TRAF3IP1: variants seen among roughly 807,000 people sequenced by gnomAD.
The protein encoded by TRAF3IP1 is intraflagellar transport 54.
Under a neutral mutation model 89.9 loss-of-function variants are expected in TRAF3IP1, and 53 were observed. The ratio of observed to expected loss-of-function variants is 0.59; its 90% CI spans 0.47 to 0.74. The LOEUF (loss-of-function observed/expected upper bound fraction) is 0.74. TRAF3IP1 is among the 30% of genes least tolerant of loss of function. TRAF3IP1 has a pLI of 0.00. For synonymous variants in TRAF3IP1, 311 were observed against 322.1 expected (o/e 0.97, Z 0.37); for missense variants, 806 against 866.1 (o/e 0.93, Z 0.87).
At chr2:238,377,236 T>C (rs1009209512) in intron 15 of TRAF3IP1, among the ~76,000 whole-genome samples, 1 of 135,420 alleles carries the variant, frequency 7.4e-6, no homozygotes, top group African/African-American at 2.8e-5. Flanking sequence ...TTTTCTTTTT[T>C]TTTTTTTTTT....
intron 15 of TRAF3IP1, among the ~76,000 whole-genome samples, chr2:238,384,382 A>G (rs1396783500): frequency 3.4e-5 from 5 of 148,538 alleles, no homozygotes; most frequent in South Asian, 4.3e-4. Context: ...GTATGTATGT[A>G]TATATATATA....
At chr2:238,325,681 A>G in intron 2 of TRAF3IP1, 128 bp from the exon 3 acceptor site, 1 of 943,476 alleles carries the variant, frequency 1.1e-6, no homozygotes, top group East Asian at 2.6e-5. Flanking sequence ...GTATTTCTAG[A>G]TTTGTTATAT....
intron 1 of TRAF3IP1, among the ~76,000 whole-genome samples, chr2:238,324,067 C>G (rs767364207): frequency 1.1e-4 from 16 of 152,082 alleles, no homozygotes; most frequent in Non-Finnish European, 1.8e-4. Flanking sequence ...AATTCCTTTT[C>G]TTTTCTTTCT....
intron 8 of TRAF3IP1, among the ~76,000 whole-genome samples, chr2:238,340,995 C>T (rs1455838972): frequency 6.6e-6 from 1 of 151,990 alleles, no homozygotes; most frequent in Admixed American, 6.6e-5. Flanking sequence ...GTAGCTGGGA[C>T]TACAGGTGTG....
intron 5 of TRAF3IP1, among the ~76,000 whole-genome samples, 168 bp from the exon 6 acceptor site, chr2:238,332,656 G>A (rs1698183918): frequency 6.6e-6 from 1 of 152,162 alleles, no homozygotes; most frequent in African/African-American, 2.4e-5. Context: ...CTTGGGGAAC[G>A]CAGGCAGCAG....
intron 11 of TRAF3IP1, 74 bp from the exon 12 acceptor site, chr2:238,349,251 T>A: frequency 7.2e-7 from 1 of 1,386,782 alleles, no homozygotes. Context: ...AACATTCACC[T>A]GGGCTTTCTT....
At chr2:238,340,848 G>T (rs62196665) in intron 8 of TRAF3IP1, among the ~76,000 whole-genome samples, 7,871 of 42,390 alleles carry the variant, frequency 0.19, 250 homozygotes, top group Non-Finnish European at 0.29. Context: ...TATATATATA[G>T]AGAGAGAGAG....
intron 15 of TRAF3IP1, among the ~76,000 whole-genome samples, chr2:238,382,134 G>A (rs1700576968): frequency 6.6e-6 from 1 of 152,194 alleles, no homozygotes; most frequent in African/African-American, 2.4e-5. Context: ...ATGTGAGAGA[G>A]GAGATGACAG....
intron 8 of TRAF3IP1, among the ~76,000 whole-genome samples, chr2:238,340,021 C>T (rs985283299): frequency 1.0e-4 from 14 of 139,772 alleles, no homozygotes; most frequent in Admixed American, 8.7e-4. Flanking sequence ...CAGAGTCTCC[C>T]GCTGTCCTTG....
At chr2:238,368,511 AT>A (rs534050825) in intron 15 of TRAF3IP1, among the ~76,000 whole-genome samples, 83 of 152,266 alleles carry the variant, frequency 5.5e-4, no homozygotes, top group African/African-American at 1.7e-3. Context: ...AATACTTACA[AT>A]ACTTGTCACA....
intron 15 of TRAF3IP1, among the ~76,000 whole-genome samples, chr2:238,359,747 C>T (rs1277379808): frequency 1.3e-5 from 2 of 152,076 alleles, no homozygotes; most frequent in African/African-American, 4.8e-5. Context: ...CAGTAGAACC[C>T]CTCTTATTTG....
intron 13 of TRAF3IP1, 50 bp downstream of exon 13, chr2:238,353,000 T>C: frequency 1.3e-6 from 2 of 1,569,188 alleles, no homozygotes; most frequent in Non-Finnish European, 1.7e-6. Context: ...TTTACCTTCA[T>C]TGAGATTAAT....
chr2:238,355,955 T>G, intron 14 of TRAF3IP1, 49 bp from the exon 15 acceptor site: 1 of 1,423,428 alleles, frequency 7.0e-7, no homozygotes, highest in Non-Finnish European at 9.9e-7. Context: ...GAATAGGTTT[T>G]TGGGATAGAG....
intron 15 of TRAF3IP1, among the ~76,000 whole-genome samples, chr2:238,382,726 C>T (rs1278013123): frequency 1.3e-5 from 2 of 152,052 alleles, no homozygotes; most frequent in Admixed American, 1.3e-4. Context: ...GCATCACTGT[C>T]CCCCAAGTTG....
intron 15 of TRAF3IP1, among the ~76,000 whole-genome samples, chr2:238,362,170 C>CGAG (rs1432160570): frequency 1.3e-5 from 2 of 152,212 alleles, no homozygotes; most frequent in African/African-American, 4.8e-5. Flanking sequence ...CCCCTTCTCT[C>CGAG]TGTCCTTTGC....
chr2:238,342,813 CTT>C (rs1487206914), intron 8 of TRAF3IP1, among the ~76,000 whole-genome samples: 1 of 151,966 alleles, frequency 6.6e-6, no homozygotes, highest in Non-Finnish European at 1.5e-5. Context: ...ATAAAAATGT[CTT>C]TGCAAAATTA....
In TRAF3IP1 at chr2:238,347,471, T is replaced by G. The variant is rs139202184; in HGVS notation, c.1278T>G (p.Asp426Glu). ...TTTCTTTAGGTGACTCCACCAGTGA[T>G]GCAGGTGAGGAATGGCCTTAGATAC... Reference protein sequence around the residue: ...TEKQKGDSTSDAEGDAGPAGQ... With the variant: ...TEKQKGDSTSEAEGDAGPAGQ... Residue 426 changes from aspartate to glutamate, a missense_variant, in exon 10 of 17, where the codon GAT becomes GAG. Transcript: ENST00000373327. 280 of 1,614,142 alleles carry G rather than the reference T, an allele frequency of 1.7e-4. 3 individuals carry two copies. In the African/African-American group the frequency reaches 3.3e-3, roughly 19 times the overall value.
intron 15 of TRAF3IP1, among the ~76,000 whole-genome samples, chr2:238,370,189 C>T (rs987362199): frequency 4.6e-5 from 7 of 151,844 alleles, no homozygotes; most frequent in African/African-American, 1.5e-4. Flanking sequence ...GTGTGCATGT[C>T]TGTATGTATG....
At chr2:238,371,586 G>A (rs1276846742) in intron 15 of TRAF3IP1, among the ~76,000 whole-genome samples, 1 of 152,224 alleles carries the variant, frequency 6.6e-6, no homozygotes, top group East Asian at 1.9e-4. Flanking sequence ...CTAAGCCTAA[G>A]GAAAGCCTGA....
Sources: allele counts gnomAD v4.1 joint callset (sites outside exome capture counted in the v4.1 genomes callset), GRCh38; gene constraint gnomAD v4.1.1; transcripts MANE v1.5; gene names NCBI Gene and HGNC (gene_info 2026-07-23, HGNC 2026-07-21).